Variants in GXYLT2 observed in about 807,000 individuals in gnomAD.
GXYLT2 encodes glucoside xylosyltransferase 2.
GXYLT2 carries 53 observed loss-of-function variants against 45.8 expected under a neutral mutation model. That is an observed-to-expected ratio of 1.16 (90% CI 0.93 to 1.46). GXYLT2 has a LOEUF of 1.46. Ranked by LOEUF, GXYLT2 falls within the 40% of genes most tolerant of loss-of-function variation. The probability of loss-of-function intolerance (pLI) is 0.00; values close to 1 mark genes in which losing one functional copy is unlikely to be tolerated. For synonymous variants in GXYLT2, 219 were observed against 214.2 expected (o/e 1.02, Z -0.19); for missense variants, 551 against 544.4 (o/e 1.01, Z -0.12).
chr3:72,906,310 C>T (rs1166086400), intron 1 of GXYLT2, among the ~76,000 whole-genome samples: 2 of 152,222 alleles, frequency 1.3e-5, no homozygotes, highest in South Asian at 2.1e-4. Flanking sequence ...GTGGCATGCT[C>T]CTCCCCCTAG....
chr3:72,905,656 C>T (rs770694496), intron 1 of GXYLT2, among the ~76,000 whole-genome samples: 7 of 152,044 alleles, frequency 4.6e-5, no homozygotes, highest in East Asian at 3.9e-4. Context: ...AGTTGGACTG[C>T]GGGGGTGGAA....
At chr3:72,925,046 T>C (rs1709893310) in intron 3 of GXYLT2, among the ~76,000 whole-genome samples, 1 of 152,148 alleles carries the variant, frequency 6.6e-6, no homozygotes, top group South Asian at 2.1e-4. Context: ...AGTAGCCCTT[T>C]TGGCATTTCC....
At chr3:72,920,799 C>CATATATATATATAT (rs377277874) in intron 2 of GXYLT2, among the ~76,000 whole-genome samples, 1 of 144,428 alleles carries the variant, frequency 6.9e-6, no homozygotes, top group African/African-American at 2.6e-5. Context: ...AATGTACATG[C>CATATATATATATAT]ATATATATAT....
intron 3 of GXYLT2, among the ~76,000 whole-genome samples, chr3:72,939,665 A>G (rs970659431): frequency 2.7e-5 from 4 of 148,870 alleles, no homozygotes; most frequent in African/African-American, 9.9e-5. Flanking sequence ...GTATGATTCT[A>G]TAGGTAGTCT....
chr3:72,922,739 C>G (rs1709853056), intron 3 of GXYLT2, among the ~76,000 whole-genome samples: 1 of 152,194 alleles, frequency 6.6e-6, no homozygotes, highest in Non-Finnish European at 1.5e-5. Context: ...TATGGCCATA[C>G]TAGGCTATCA....
intron 2 of GXYLT2, among the ~76,000 whole-genome samples, chr3:72,914,069 C>T (rs1003925931): frequency 2.6e-5 from 4 of 152,086 alleles, no homozygotes; most frequent in Non-Finnish European, 5.9e-5. Flanking sequence ...TTGTGGGCAA[C>T]CCAGGGTTTT....
chr3:72,958,629 C>CTTTTT (rs760548760), intron 5 of GXYLT2, among the ~76,000 whole-genome samples: 1 of 108,732 alleles, frequency 9.2e-6, no homozygotes, highest in Non-Finnish European at 1.8e-5. Context: ...TCACTTGTGG[C>CTTTTT]TTTTTTTTTT....
intron 3 of GXYLT2, among the ~76,000 whole-genome samples, chr3:72,943,182 G>A (rs35148854): frequency 0.52 from 79,033 of 151,988 alleles, 23,326 homozygotes; most frequent in Non-Finnish European, 0.64. Context: ...GGAAAAGGGG[G>A]AAAAAGGAGG....
At chr3:72,936,310 A>G (rs112227199) in intron 3 of GXYLT2, among the ~76,000 whole-genome samples, 6 of 151,578 alleles carry the variant, frequency 4.0e-5, no homozygotes, top group South Asian at 2.1e-4. Context: ...GAAAAAAAAA[A>G]AAAAAGAAAA....
chr3:72,904,877 C>G (rs1303475895), intron 1 of GXYLT2, among the ~76,000 whole-genome samples: 1 of 30,636 alleles, frequency 3.3e-5, no homozygotes, highest in Non-Finnish European at 9.3e-5. Context: ...ACTAAAGATA[C>G]AAAAAAAAAA....
chr3:72,912,418 G>A (rs937072226), intron 2 of GXYLT2, among the ~76,000 whole-genome samples: 16 of 152,102 alleles, frequency 1.1e-4, no homozygotes, highest in African/African-American at 3.6e-4. Context: ...CAAAGTACTG[G>A]GATTATAGGC....
At chr3:72,908,078 C>T (rs1289320544) in intron 1 of GXYLT2, 2 of 289,760 alleles carry the variant, frequency 6.9e-6, no homozygotes, top group Non-Finnish European at 1.3e-5. Flanking sequence ...CAAACATGGG[C>T]CAGTAGGCAG....
chr3:72,935,946 A>G (rs772871162), intron 3 of GXYLT2, among the ~76,000 whole-genome samples: 2 of 152,178 alleles, frequency 1.3e-5, no homozygotes, highest in Admixed American at 6.5e-5. Flanking sequence ...GGGACGTGAA[A>G]GGAGTATCAG....
chr3:72,963,936 A>G (rs1240579656), intron 5 of GXYLT2, among the ~76,000 whole-genome samples: 2 of 151,794 alleles, frequency 1.3e-5, no homozygotes, highest in Admixed American at 6.6e-5. Context: ...TGGCGTCCCA[A>G]AGTGCTGGGA....
intron 5 of GXYLT2, among the ~76,000 whole-genome samples, chr3:72,961,588 A>C (rs1240923244): frequency 6.6e-6 from 1 of 150,442 alleles, no homozygotes; most frequent in Non-Finnish European, 1.5e-5. Flanking sequence ...GTCAACCCCA[A>C]GTGAATACAT....
chr3:72,943,529 A>G (rs1220373280), intron 3 of GXYLT2, among the ~76,000 whole-genome samples: 1 of 151,090 alleles, frequency 6.6e-6, no homozygotes, highest in East Asian at 1.9e-4. Flanking sequence ...GGCACGCCCC[A>G]CCACGCCTGG....
Position 72,888,338 on chromosome 3 carries a change from G to T in GXYLT2, c.105G>T (p.Leu35=). 1.0e-6 allele frequency: 1 copy of T among 983,952 alleles called. No individual in the cohort carries two copies. The highest frequency in any genetic ancestry group is 1.2e-6 in the Non-Finnish European group (1 of 830,678). The allele number at this position is 983,952 out of a possible 1,614,324, so 61.0% of individuals were successfully genotyped here. Residue 35 remains leucine, a synonymous_variant, in exon 1 of 7, where the codon CTG becomes CTT. Transcript: ENST00000389617. ...LRAGRAEPPA[L]PARPASAPQR... ...CTGGCCGCGCTGAGCCCCCAGCGCT[G>T]CCCGCGCGCCCCGCGTCCGCCCCGC...
At chr3:72,959,621 TTCTTAGGTAGGTTTCA>T (rs2107146744) in intron 5 of GXYLT2, among the ~76,000 whole-genome samples, 1 of 152,062 alleles carries the variant, frequency 6.6e-6, no homozygotes, top group East Asian at 1.9e-4. Flanking sequence ...TTCCTTTTTC[TTCTTAGGTAGGTTTCA>T]TCTTTTTTTT....
intron 3 of GXYLT2, among the ~76,000 whole-genome samples, chr3:72,925,162 T>C (rs1257846118): frequency 6.8e-6 from 1 of 147,132 alleles, no homozygotes; most frequent in African/African-American, 2.5e-5. Context: ...TTTTCTTTCT[T>C]TTTTTTTTTT....
Sources: gnomAD v4.1 joint callset for allele counts (sites outside exome capture counted in the v4.1 genomes callset) on GRCh38, gnomAD v4.1.1 for gene constraint, MANE v1.5 for transcripts, NCBI Gene and HGNC (gene_info 2026-07-23, HGNC 2026-07-21) for gene names.